ODAD3: variants seen among roughly 807,000 people sequenced by gnomAD.
The protein encoded by ODAD3 is outer dynein arm-docking complex subunit 3.
In ODAD3, 57 loss-of-function variants were observed where a neutral mutation model predicts 70.9. The ratio of observed to expected loss-of-function variants is 0.80; its 90% CI spans 0.65 to 1.00. The LOEUF is 1.00. Among genes scored for constraint, ODAD3 ranks in the 50% least tolerant of loss-of-function variants. ODAD3 has a pLI of 0.00. For missense variants in ODAD3, 797 were observed against 763.9 expected (o/e 1.04, Z -0.51); for synonymous variants, 327 against 315.9 (o/e 1.04, Z -0.37).
At chr19:11,430,655 C>T in intron 3 of ODAD3, 44 bp downstream of exon 3, 1 of 1,602,256 alleles carries the variant, frequency 6.2e-7, no homozygotes, top group Non-Finnish European at 8.6e-7. Flanking sequence ...GTGAGGGGAC[C>T]CAGGCTGGAA....
Position 11,435,022 on chromosome 19 carries a change from G to C in ODAD3, c.-6C>G. On this transcript the variant is annotated 5_prime_UTR_variant, in exon 1 of 13. Coordinates refer to ENST00000356392, the MANE Select transcript of ODAD3 (RefSeq NM_145045.5). Reference sequence around the variant, plus strand: ...CTGCACAGAGGAGATGTCATGATGGGGTTGGGGCTGAAGGCCCCTAGGGGT... The same window carrying C: ...CTGCACAGAGGAGATGTCATGATGGCGTTGGGGCTGAAGGCCCCTAGGGGT... The C allele has an allele frequency of 6.2e-7, 1 of 1,607,094 alleles. No homozygotes were observed. Among genetic ancestry groups the C allele is most frequent in the Non-Finnish European group, 8.5e-7 (1 of 1,178,390 alleles).
intron 7 of ODAD3, among the ~76,000 whole-genome samples, chr19:11,425,622 T>TACGC: frequency 0.012 from 1,595 of 134,430 alleles, 165 homozygotes; most frequent in African/African-American, 0.054. Flanking sequence ...TATATGCATA[T>TACGC]ATGCATATAT....
chr19:11,425,186 TATATAC>T (rs1175472686), intron 7 of ODAD3, among the ~76,000 whole-genome samples: 21 of 137,874 alleles, frequency 1.5e-4, no homozygotes, highest in Middle Eastern at 0.011. Context: ...CATATGTGTA[TATATAC>T]ATATGTGTAT....
In ODAD3 at chr19:11,427,051, G is replaced by C. The variant is rs1273123872; in HGVS notation, c.445-11C>G. ...TAGGTGCTCCAGGGCCTGCCGCAAG[G>C]AGGGGAGCGAAAGCAGGAGCCTCAA... On this transcript the variant is annotated splice_polypyrimidine_tract_variant and intron_variant, in intron 3 of 12. Coordinates refer to ENST00000356392, the MANE Select transcript of ODAD3 (RefSeq NM_145045.5). 1.3e-6 allele frequency: 2 copies of C among 1,565,262 alleles called. No individual in the cohort carries two copies. The highest frequency in any genetic ancestry group is 1.1e-5 in the South Asian group (1 of 87,664).
At position 11,427,015 on chromosome 19, in the gene ODAD3, A is replaced by C; in HGVS notation, c.470T>G (p.Leu157Arg). The change falls in exon 4 of 13, where the codon CTG (leucine) becomes CGG (arginine). Residue 157 changes from leucine (L) to arginine (R), a missense_variant. Coordinates refer to ENST00000356392, the MANE Select transcript of ODAD3 (RefSeq NM_145045.5). ...GTTCTGCTGCTTCACCTTCTCCCTC[A>C]GCCGGTGGTCTAGGTGCTCCAGGGC... Reference protein sequence around the residue: ...GQALEHLDHRLREKVKQQNAL... With the variant: ...GQALEHLDHRRREKVKQQNAL... 6.3e-7 allele frequency: 1 copy of C among 1,598,064 alleles called. No homozygotes were observed. The highest frequency in any genetic ancestry group is 8.5e-7 in the Non-Finnish European group (1 of 1,177,634).
chr19:11,426,219 C>T lies in ODAD3; in HGVS notation c.888G>A (p.Lys296=), dbSNP rs2144771020. The change falls in exon 7 of 13, where the codon AAG becomes AAA. Residue 296 remains lysine (K), a synonymous_variant. Coordinates refer to ENST00000356392, the MANE Select transcript of ODAD3 (RefSeq NM_145045.5). The part of the protein sequence containing the change: ...LEETLVRERK[K]RERYISECKK... ...TGCACTCACTTATGTAGCGTTCCCG[C>T]TTCTTGCGCTCTCGAACCAAGGTCT... 1.9e-6 allele frequency: 3 copies of T among 1,613,974 alleles called. No individual in the cohort carries two copies. The highest frequency in any genetic ancestry group is 2.5e-6 in the Non-Finnish European group (3 of 1,179,956).
At position 11,425,065 on chromosome 19, in the gene ODAD3, ATATATGTATATGTG is replaced by A. The variant is rs1353812322; in HGVS notation, c.964-1050_964-1037del. Among the ~76,000 whole-genome samples, 2 of 128,506 alleles carry A rather than the reference ATATATGTATATGTG, an allele frequency of 1.6e-5. 1 individual carries two copies. The highest frequency in any genetic ancestry group is 4.6e-4 in the South Asian group (2 of 4,364). 84.3% of individuals were successfully genotyped at this position (128,506 alleles called of 152,430 possible). On this transcript the variant is annotated intron_variant, in intron 7 of 12. Coordinates refer to ENST00000356392, the MANE Select transcript of ODAD3 (RefSeq NM_145045.5). ...TATGTGTATATATGTGTATATGTGTATATATGTATATGTGTATATGTACATATGTGTATATATGT... is the reference window on the plus strand; with the variant it reads ...TATGTGTATATATGTGTATATGTGTATATATGTACATATGTGTATATATGT...
chr19:11,420,868 A>C lies in ODAD3; in HGVS notation c.1755T>G (p.Ser585Arg), dbSNP rs1284136469. 3 of 1,613,194 alleles carry C rather than the reference A, an allele frequency of 1.9e-6. No individual in the cohort carries two copies. Among genetic ancestry groups the C allele is most frequent in the Non-Finnish European group, 1.7e-6 (2 of 1,179,836 alleles). ...TCCGAGAGCGACGGTGCTTCTTGTGACTTTCGATTAATTTCTGGGAACGGA... is the reference window on the plus strand; with the variant it reads ...TCCGAGAGCGACGGTGCTTCTTGTGCCTTTCGATTAATTTCTGGGAACGGA... ...LKIRSQKLIE[S>R]HKKHRRSRRS The change falls in exon 13 of 13, where the codon AGT (serine) becomes AGG (arginine). Residue 585 changes from serine to arginine, a missense_variant. Physicochemically the swap from Ser to Arg is moderately radical, Grantham distance 110. Transcript: ENST00000356392.
At chr19:11,424,494 CATATATAT>C (rs951847683) in intron 7 of ODAD3, among the ~76,000 whole-genome samples, 4 of 145,004 alleles carry the variant, frequency 2.8e-5, no homozygotes, top group African/African-American at 1.0e-4. Context: ...AAAAAAAATC[CATATATAT>C]ATGTATATAT....
intron 8 of ODAD3, among the ~76,000 whole-genome samples, 174 bp downstream of exon 8, chr19:11,423,703 C>G (rs952449216): frequency 4.6e-5 from 7 of 151,884 alleles, no homozygotes; most frequent in Non-Finnish European, 1.0e-4. Context: ...AAAAACTGAA[C>G]GGTAGCTGGA....
At chr19:11,431,728 A>T (rs34090) in intron 1 of ODAD3, among the ~76,000 whole-genome samples, 18,712 of 150,090 alleles carry the variant, frequency 0.12, 1,471 homozygotes, top group African/African-American at 0.21. Flanking sequence ...AGGTCAGGAG[A>T]TCGAGACCAT....
chr19:11,435,188 T>G (rs160912), upstream of ODAD3: 699 of 1,428,162 alleles, frequency 4.9e-4, 1 homozygote, highest in African/African-American at 2.9e-3. Context: ...TCCCCGTCTC[T>G]CTCCACTGTT....
At chr19:11,427,986 G>C (rs1464001942) in intron 3 of ODAD3, among the ~76,000 whole-genome samples, 1 of 151,712 alleles carries the variant, frequency 6.6e-6, no homozygotes, top group East Asian at 2.0e-4. Context: ...TGTAGTCCCA[G>C]CTACTCAGGA....
intron 8 of ODAD3, among the ~76,000 whole-genome samples, chr19:11,423,205 C>T (rs1969183132): frequency 6.6e-6 from 1 of 152,224 alleles, no homozygotes; most frequent in Non-Finnish European, 1.5e-5. Context: ...AAATACCGCC[C>T]GTCTTCGGAG....
At chr19:11,434,611 G>A (rs1168959798) in intron 1 of ODAD3, 162 bp downstream of exon 1, 2 of 794,698 alleles carry the variant, frequency 2.5e-6, no homozygotes, top group African/African-American at 3.4e-5. Flanking sequence ...GAACCCATGA[G>A]AAGTTTTAAG....
In ODAD3 at chr19:11,422,640, G is replaced by C. The variant is rs1201761160; in HGVS notation, c.1278-13C>G. 1 of 1,603,532 alleles carries C rather than the reference G, an allele frequency of 6.2e-7. No individual in the cohort carries two copies. Among genetic ancestry groups the C allele is most frequent in the South Asian group, 1.1e-5 (1 of 90,452 alleles). On this transcript the variant is annotated splice_polypyrimidine_tract_variant and intron_variant, in intron 9 of 12. Coordinates refer to ENST00000356392, the MANE Select transcript of ODAD3 (RefSeq NM_145045.5). The surrounding 1 kb of genome is among the most constrained non-coding windows in gnomAD (Gnocchi z 4.6). ...CAGTTTCTGCTGGCTGCAGGGAGCC[G>C]GGAGGTCACCCCGGGGGCTCAGCCC...
At position 11,434,782 on chromosome 19, in the gene ODAD3, G is replaced by T. The variant is rs768901497; in HGVS notation, c.235C>A (p.Gln79Lys). 3 of 1,612,244 alleles carry T rather than the reference G, an allele frequency of 1.9e-6. No homozygotes were observed. Among genetic ancestry groups the T allele is most frequent in the East Asian group, 2.2e-5 (1 of 44,858 alleles). ...SQVAELHKKI[Q>K]LLEGDRKAFF... is the part of the protein sequence containing the mutation. Reference sequence around the variant, plus strand: ...TCTGGAGCCATCTTACCTAACAGTTGTATCTTTTTATGTAACTCAGCCACC... The same window carrying T: ...TCTGGAGCCATCTTACCTAACAGTTTTATCTTTTTATGTAACTCAGCCACC... The change falls in exon 1 of 13, where the codon CAA becomes AAA. Residue 79 changes from glutamine to lysine, a missense_variant. Coordinates refer to ENST00000356392, the MANE Select transcript of ODAD3 (RefSeq NM_145045.5).
rs1969247623 is a variant in ODAD3 at position 11,424,956 on chromosome 19, C to CCT, written c.964-928_964-927insAG. ...ATATATGTATATATGTGTATATGTACATATGTGTATATATGTATATATGTG... is the reference window on the plus strand; with the variant it reads ...ATATATGTATATATGTGTATATGTACCTATATGTGTATATATGTATATATGTG... On this transcript the variant is annotated intron_variant, in intron 7 of 12. Coordinates refer to ENST00000356392, the MANE Select transcript of ODAD3 (RefSeq NM_145045.5). Among the ~76,000 whole-genome samples, 5 of 105,838 alleles carry CCT rather than the reference C, an allele frequency of 4.7e-5. 2 individuals are homozygous for CCT. The highest frequency in any genetic ancestry group is 9.7e-5 in the Admixed American group (1 of 10,328). The allele number at this position is 105,838 out of a possible 152,430, so 69.4% of individuals were successfully genotyped here.
intron 7 of ODAD3, among the ~76,000 whole-genome samples, chr19:11,424,990 C>CATATGTGTATATATGTAT (rs1969253231): frequency 1.0e-5 from 1 of 98,080 alleles, no homozygotes; most frequent in South Asian, 3.1e-4. Context: ...TGTATATGTA[C>CATATGTGTATATATGTAT]ATATGTGTAT....
Sources: allele counts gnomAD v4.1 joint callset (sites outside exome capture counted in the v4.1 genomes callset), GRCh38; gene constraint gnomAD v4.1.1; non-coding constraint Gnocchi (gnomAD v3.1); transcripts MANE v1.5; gene names NCBI Gene and HGNC (gene_info 2026-07-23, HGNC 2026-07-21).